The following NPAS1 variants were observed in gnomAD, a reference collection of about 807,000 sequenced individuals.
NPAS1 encodes neuronal PAS domain protein 1.
A neutral mutation model predicts 49.2 loss-of-function variants in NPAS1; 29 were observed. The ratio of observed to expected loss-of-function variants is 0.59; its 90% CI spans 0.44 to 0.80. The LOEUF is 0.80. Ranked by LOEUF, NPAS1 falls within the 30% of genes least tolerant of loss-of-function variation. NPAS1 has a pLI of 0.00. For synonymous variants in NPAS1, 408 were observed against 380.4 expected (o/e 1.07, Z -0.84); for missense variants, 825 against 835.5 (o/e 0.99, Z 0.15).
chr19:47,034,315 A>G (rs1039818867), intron 5 of NPAS1, among the ~76,000 whole-genome samples: 44 of 24,988 alleles, frequency 1.8e-3, no homozygotes, highest in African/African-American at 5.0e-3. Context: ...ACTCCGTCTC[A>G]AAAAAAAAAA....
rs561665486 is a variant in NPAS1, at chr19:47,045,586, T to C, written c.1708T>C (p.Tyr570His). The C allele has an allele frequency of 6.7e-7, 1 of 1,483,032 alleles. No homozygotes were observed. The highest frequency in any genetic ancestry group is 1.4e-5 in the African/African-American group (1 of 68,992). 91.9% of individuals were successfully genotyped at this position (1,483,032 alleles called of 1,614,324 possible). ...GGGCCCCGCGCTCCCGGAGGCCTTT[T>C]ACCCGCCCCTGGGCCTGCCCTACCC... Reference protein sequence around the residue: ...GPGPALPEAFYPPLGLPYPGP... With the variant: ...GPGPALPEAFHPPLGLPYPGP... Residue 570 changes from tyrosine (Y) to histidine (H), a missense_variant, in exon 12 of 12, where the codon TAC becomes CAC. Tyr to His is a moderately conservative substitution (Grantham distance 83). Transcript: ENST00000602212.
intron 4 of NPAS1, 65 bp from the exon 5 acceptor site, chr19:47,032,578 C>A: frequency 2.7e-6 from 4 of 1,464,544 alleles, no homozygotes; most frequent in Non-Finnish European, 3.8e-6. Context: ...CCTCTTACCA[C>A]TTGGCGGCTG....
chr19:47,031,301 C>T (rs1261703873), intron 3 of NPAS1, among the ~76,000 whole-genome samples: 5 of 150,942 alleles, frequency 3.3e-5, no homozygotes, highest in Non-Finnish European at 7.4e-5. Flanking sequence ...CAGGTTCAAG[C>T]GATCCTCCTA....
chr19:47,031,751 G>A (rs948455679), intron 3 of NPAS1, among the ~76,000 whole-genome samples: 12 of 149,164 alleles, frequency 8.0e-5, no homozygotes, highest in African/African-American at 2.7e-4. Flanking sequence ...GGCTGGTCTC[G>A]AACCCCTGAC....
chr19:47,036,647 G>A (rs2056959285), intron 6 of NPAS1, among the ~76,000 whole-genome samples: 1 of 151,756 alleles, frequency 6.6e-6, no homozygotes, highest in Admixed American at 6.6e-5. Context: ...CGAGGCGGGT[G>A]GGTCACCTAA....
At position 47,042,326 on chromosome 19, in the gene NPAS1, CA is replaced by C. The variant is rs535281881; in HGVS notation, c.1218-477del. Among the ~76,000 whole-genome samples the C allele has an allele frequency of 2.7e-3, 407 of 152,114 alleles. 2 individuals are homozygous for C. Among genetic ancestry groups the C allele is most frequent in the African/African-American group, 9.0e-3 (372 of 41,494 alleles). ...TCCATCTCAAAAACAAGCAAGCAAACAAAAAAACCCTTCTAGCTGCCATGAA... is the reference window on the plus strand; with the variant it reads ...TCCATCTCAAAAACAAGCAAGCAAACAAAAAACCCTTCTAGCTGCCATGAA... On this transcript the variant is annotated intron_variant, in intron 10 of 11. Transcript: ENST00000602212.
chr19:47,031,275 T>G (rs1653320374), intron 3 of NPAS1, among the ~76,000 whole-genome samples: 1 of 151,092 alleles, frequency 6.6e-6, no homozygotes, highest in Non-Finnish European at 1.5e-5. Flanking sequence ...CTTGACTCAC[T>G]GCAACCTCCG....
chr19:47,027,984 G>A (rs555118509), intron 3 of NPAS1, among the ~76,000 whole-genome samples: 5 of 152,162 alleles, frequency 3.3e-5, no homozygotes, highest in Admixed American at 6.5e-5. Context: ...GGTGGAGGCT[G>A]GGGGTAAAAA....
In NPAS1 at chr19:47,045,438, G is replaced by A. The variant is rs2057067842; in HGVS notation, c.1560G>A (p.Pro520=). Residue 520 remains proline (P), a synonymous_variant, in exon 12 of 12, where the codon CCG becomes CCA. Transcript: ENST00000602212. The stretch of plus-strand genomic sequence containing the variant: ...GCCTGGCGCCTCCCGGGGACCCCCC[G>A]CCCACCCTCCTGCACGCGGGCTTCC... ...PWGLAPPGDP[P]PTLLHAGFLP... 5 of 1,602,248 alleles carry A rather than the reference G, an allele frequency of 3.1e-6. No individual in the cohort carries two copies. The highest frequency in any genetic ancestry group is 1.7e-5 in the Admixed American group (1 of 58,442).
chr19:47,026,589 G>C (rs1032510055), intron 3 of NPAS1, among the ~76,000 whole-genome samples: 5 of 152,198 alleles, frequency 3.3e-5, no homozygotes, highest in African/African-American at 1.2e-4. Context: ...GGGTGTGAGA[G>C]ACACAGAGGG....
chr19:47,034,641 C>CA (rs1347669849), intron 5 of NPAS1, among the ~76,000 whole-genome samples: 4 of 152,170 alleles, frequency 2.6e-5, no homozygotes, highest in African/African-American at 9.6e-5. Flanking sequence ...CTTTGGGAGG[C>CA]AAAAGCAGGC....
intron 10 of NPAS1, among the ~76,000 whole-genome samples, chr19:47,041,979 C>CA (rs369320245): frequency 0.012 from 1,126 of 96,026 alleles, 18 homozygotes; most frequent in African/African-American, 0.016. Flanking sequence ...GACCCTGTCT[C>CA]AAAAAAAAAA....
At chr19:47,024,744 T>G (rs1204776983) in intron 3 of NPAS1, among the ~76,000 whole-genome samples, 1 of 151,758 alleles carries the variant, frequency 6.6e-6, no homozygotes, top group African/African-American at 2.4e-5. Context: ...GATGTTCAAG[T>G]CTAGCCCTGA....
chr19:47,032,215 C>CG (rs1295898434), intron 3 of NPAS1, 63 bp from the exon 4 acceptor site: 2 of 1,486,978 alleles, frequency 1.3e-6, no homozygotes, highest in Admixed American at 3.6e-5. Flanking sequence ...GACTGGCTCC[C>CG]GGGGGACCTG....
At chr19:47,040,684 G>GT in intron 9 of NPAS1, 134 bp downstream of exon 9, 1 of 632,988 alleles carries the variant, frequency 1.6e-6, no homozygotes, top group Non-Finnish European at 2.8e-6. Context: ...CAGGGACTCC[G>GT]TTTAGCATTG....
chr19:47,035,136 G>A (rs960999219), intron 5 of NPAS1, among the ~76,000 whole-genome samples: 3 of 151,406 alleles, frequency 2.0e-5, no homozygotes, highest in African/African-American at 7.3e-5. Flanking sequence ...AGCCGAGATC[G>A]CGCCATTGCA....
At position 47,045,757 on chromosome 19, in the gene NPAS1, G is replaced by A; in HGVS notation, c.*106G>A. The A allele has an allele frequency of 9.0e-7, 1 of 1,116,078 alleles. No homozygotes were observed. The highest frequency in any genetic ancestry group is 1.2e-6 in the Non-Finnish European group (1 of 826,482). 69.1% of individuals were successfully genotyped at this position (1,116,078 alleles called of 1,614,324 possible). ...TGAGAATTAAACGCCGGCTCTCCCT[G>A]CAGTGGTTTGGGCTCCGGGCTGTGA... On this transcript the variant is annotated 3_prime_UTR_variant, in exon 12 of 12. Coordinates refer to ENST00000602212, the MANE Select transcript of NPAS1 (RefSeq NM_002517.4).
In NPAS1 at chr19:47,036,078, G is replaced by C; in HGVS notation, c.637G>C (p.Val213Leu). Residue 213 changes from valine (V) to leucine (L), a missense_variant, in exon 6 of 12, where the codon GTC becomes CTC. Physicochemically the swap from Val to Leu is conservative, Grantham distance 32 (BLOSUM62 1). Coordinates refer to ENST00000602212, the MANE Select transcript of NPAS1 (RefSeq NM_002517.4). Reference protein sequence around the residue: ...PTPGPPTPPSVSSSSSSSSSL... With the variant: ...PTPGPPTPPSLSSSSSSSSSL... ...GCCCGGCCCCCCAACCCCGCCCTCC[G>C]TCTCCTCTTCCTCCTCCTCTTCCTC... 1 of 1,591,270 alleles carries C rather than the reference G, an allele frequency of 6.3e-7. No individual in the cohort carries two copies. Among genetic ancestry groups the C allele is most frequent in the Non-Finnish European group, 8.6e-7 (1 of 1,169,052 alleles).
At chr19:47,044,628 G>A (rs1200478752) in intron 11 of NPAS1, among the ~76,000 whole-genome samples, 1 of 152,228 alleles carries the variant, frequency 6.6e-6, no homozygotes, top group Non-Finnish European at 1.5e-5. Flanking sequence ...ACTGTGGGAT[G>A]TTTATTTTAC....
Sources: gnomAD v4.1 joint callset for allele counts (sites outside exome capture counted in the v4.1 genomes callset) on GRCh38, gnomAD v4.1.1 for gene constraint, MANE v1.5 for transcripts, NCBI Gene and HGNC (gene_info 2026-07-23, HGNC 2026-07-21) for gene names.